LINGO2: variants seen among roughly 807,000 people sequenced by gnomAD.
The protein encoded by LINGO2 is leucine rich repeat and Ig domain containing 2.
Under a neutral mutation model 30.6 loss-of-function variants are expected in LINGO2, and 14 were observed. The ratio of observed to expected loss-of-function variants is 0.46; its 90% CI spans 0.30 to 0.72. The LOEUF (loss-of-function observed/expected upper bound fraction) is 0.72. Among genes scored for constraint, LINGO2 ranks in the 30% least tolerant of loss-of-function variants. The pLI is 0.07. For synonymous variants in LINGO2, 317 were observed against 288.5 expected, an observed-to-expected ratio of 1.10 and a Z score of -1.00; for missense variants, 729 against 751.7, an observed-to-expected ratio of 0.97 and a Z score of 0.35.
At chr9:28,582,015 T>C (rs901315704) in intron 1 of LINGO2, among the ~76,000 whole-genome samples, 1 of 152,042 alleles carries the variant, frequency 6.6e-6, no homozygotes, top group African/African-American at 2.4e-5. Context: ...CCAGACACTC[T>C]ATGTTTGTGA....
chr9:29,136,277 G>C, the LINGO2 span, among the ~76,000 whole-genome samples: 4 of 151,904 alleles, frequency 2.6e-5, no homozygotes, highest in Admixed American at 1.3e-4. Flanking sequence ...TTATTTGCCC[G>C]AATTTCCCTA....
At chr9:28,725,964 A>G in the LINGO2 span, among the ~76,000 whole-genome samples, 1 of 152,144 alleles carries the variant, frequency 6.6e-6, no homozygotes, top group East Asian at 1.9e-4. Flanking sequence ...GTTAAATCCA[A>G]TGTAATATAT....
At chr9:28,251,242 C>T (rs1049709731) in intron 4 of LINGO2, among the ~76,000 whole-genome samples, 7 of 151,864 alleles carry the variant, frequency 4.6e-5, no homozygotes, top group African/African-American at 1.7e-4. Context: ...ACCTTTTTTT[C>T]CCAAGAACCC....
At chr9:28,152,331 C>T (rs1171556691) in intron 4 of LINGO2, among the ~76,000 whole-genome samples, 1 of 152,098 alleles carries the variant, frequency 6.6e-6, no homozygotes, top group African/African-American at 2.4e-5. Context: ...CTTTCTTTCT[C>T]GCCATGTGAC....
chr9:29,023,460 A>G, the LINGO2 span, among the ~76,000 whole-genome samples: 9 of 152,142 alleles, frequency 5.9e-5, no homozygotes. Context: ...TAATAAATAT[A>G]AATGAATGCT....
the LINGO2 span, among the ~76,000 whole-genome samples, chr9:29,187,780 A>ATTTTTTTTT: frequency 4.2e-5 from 5 of 118,846 alleles, no homozygotes; most frequent in Non-Finnish European, 5.2e-5. Flanking sequence ...ATACATTTCA[A>ATTTTTTTTT]TTTTTTTTTT....
intron 2 of LINGO2, among the ~76,000 whole-genome samples, chr9:28,435,345 T>A (rs1170880419): frequency 6.6e-6 from 1 of 152,202 alleles, no homozygotes; most frequent in Non-Finnish European, 1.5e-5. Flanking sequence ...TCAAATTTTA[T>A]TTAGCGGTAT....
intron 2 of LINGO2, among the ~76,000 whole-genome samples, chr9:28,388,932 T>C (rs1395541819): frequency 6.6e-6 from 1 of 152,152 alleles, no homozygotes; most frequent in Non-Finnish European, 1.5e-5. Context: ...ATTTCCCAAG[T>C]AGAATGAATT....
intron 4 of LINGO2, among the ~76,000 whole-genome samples, chr9:28,273,462 T>C (rs1461817614): frequency 6.6e-6 from 1 of 152,186 alleles, no homozygotes; most frequent in Non-Finnish European, 1.5e-5. Flanking sequence ...CCTTAGTATT[T>C]TGGTAACCAA....
At chr9:29,063,070 G>A in the LINGO2 span, among the ~76,000 whole-genome samples, 1 of 152,034 alleles carries the variant, frequency 6.6e-6, no homozygotes, top group African/African-American at 2.4e-5. Flanking sequence ...TATCTATGAG[G>A]GGAAACAATT....
exon 6 of LINGO2, chr9:27,949,290 G>A (rs1280733957): frequency 1.2e-6 from 2 of 1,614,078 alleles, no homozygotes; most frequent in Non-Finnish European, 1.7e-6. Flanking sequence ...ACCCAACACG[G>A]TGGCTCTTCC....
At chr9:28,547,623 C>G (rs1046927312) in intron 1 of LINGO2, among the ~76,000 whole-genome samples, 6 of 152,052 alleles carry the variant, frequency 3.9e-5, no homozygotes, top group African/African-American at 1.4e-4. Flanking sequence ...AGAAGCCTAC[C>G]ATTAAATAGG....
chr9:28,183,571 T>C (rs1819435276), intron 4 of LINGO2, among the ~76,000 whole-genome samples: 1 of 152,160 alleles, frequency 6.6e-6, no homozygotes, highest in Non-Finnish European at 1.5e-5. Context: ...CTATTATTGC[T>C]TTAACACCAC....
the LINGO2 span, among the ~76,000 whole-genome samples, chr9:28,982,869 A>G: frequency 6.6e-6 from 1 of 152,040 alleles, no homozygotes; most frequent in Admixed American, 6.6e-5. Flanking sequence ...CATACTTAAT[A>G]CTATTAAAAC....
intron 4 of LINGO2, among the ~76,000 whole-genome samples, chr9:28,083,245 G>A (rs929661930): frequency 3.3e-5 from 5 of 152,182 alleles, no homozygotes; most frequent in Non-Finnish European, 5.9e-5. Flanking sequence ...GGAAAGCCCT[G>A]TAGGGCTCTG....
the LINGO2 span, among the ~76,000 whole-genome samples, chr9:29,149,870 T>C: frequency 9.9e-5 from 15 of 152,256 alleles, no homozygotes; most frequent in Admixed American, 9.8e-4. Context: ...GAGAGCAGGG[T>C]AGACTTTCGT....
chr9:28,675,076 T>G (rs1829165976), upstream of LINGO2, among the ~76,000 whole-genome samples: 1 of 152,200 alleles, frequency 6.6e-6, no homozygotes, highest in South Asian at 2.1e-4. Context: ...ACGCCTACTA[T>G]GTACCTAGAT....
the LINGO2 span, among the ~76,000 whole-genome samples, chr9:29,168,321 A>G: frequency 6.6e-6 from 1 of 152,132 alleles, no homozygotes. Context: ...GTAATAGACT[A>G]TTATTTCCCT....
At chr9:28,970,424 A>C in the LINGO2 span, among the ~76,000 whole-genome samples, 1 of 152,162 alleles carries the variant, frequency 6.6e-6, no homozygotes, top group Non-Finnish European at 1.5e-5. Flanking sequence ...TCAGAACAAA[A>C]AATCAGGTGA....
Sources: gnomAD v4.1 joint callset for allele counts (sites outside exome capture counted in the v4.1 genomes callset) on GRCh38, gnomAD v4.1.1 for gene constraint, MANE v1.5 for transcripts, NCBI Gene and HGNC (gene_info 2026-07-23, HGNC 2026-07-21) for gene names.